Variants in GRIA4 observed in about 807,000 individuals in gnomAD.
GRIA4 encodes the protein glutamate receptor 4.
In GRIA4, 34 loss-of-function variants were observed where a neutral mutation model predicts 104.0. That is an observed-to-expected ratio of 0.33 (90% confidence interval 0.25 to 0.44). GRIA4 has a LOEUF of 0.44. Ranked by LOEUF, GRIA4 falls within the 20% of genes least tolerant of loss-of-function variation. The pLI is 1.00. For synonymous variants in GRIA4, 386 were observed against 381.9 expected, an observed-to-expected ratio of 1.01 and a Z score of -0.13; for missense variants, 750 against 1,096.5, an observed-to-expected ratio of 0.68 and a Z score of 4.46.
chr11:105,860,699 G>A (rs540522249), intron 4 of GRIA4, among the ~76,000 whole-genome samples: 3 of 152,104 alleles, frequency 2.0e-5, no homozygotes, highest in Non-Finnish European at 2.9e-5. Flanking sequence ...TGTGACTCAC[G>A]CCTATAATCC....
intron 4 of GRIA4, among the ~76,000 whole-genome samples, chr11:105,860,998 G>T (rs1279080822): frequency 6.6e-6 from 1 of 150,752 alleles, no homozygotes; most frequent in East Asian, 1.9e-4. Context: ...AAAAAGGCAG[G>T]ACAATCAAGA....
intron 9 of GRIA4, among the ~76,000 whole-genome samples, chr11:105,907,768 C>A (rs1485617729): frequency 6.6e-6 from 1 of 152,176 alleles, no homozygotes; most frequent in East Asian, 1.9e-4. Flanking sequence ...TTTTTATATT[C>A]AATCCTCATG....
At chr11:105,888,430 C>T (rs1040732722) in intron 6 of GRIA4, among the ~76,000 whole-genome samples, 4 of 150,882 alleles carry the variant, frequency 2.7e-5, no homozygotes, top group Non-Finnish European at 5.9e-5. Flanking sequence ...ACTACAGGTG[C>T]CCGCCACTAC....
At chr11:105,899,846 A>G (rs990680888) in intron 7 of GRIA4, among the ~76,000 whole-genome samples, 2 of 152,180 alleles carry the variant, frequency 1.3e-5, no homozygotes, top group Non-Finnish European at 2.9e-5. Context: ...TTCATGCCCG[A>G]ATGAAGCTTA....
intron 3 of GRIA4, among the ~76,000 whole-genome samples, chr11:105,619,600 A>G (rs186534340): frequency 6.6e-6 from 1 of 152,058 alleles, no homozygotes; most frequent in East Asian, 1.9e-4. Context: ...AAATTTATCT[A>G]AGATCTTTGG....
chr11:105,887,542 T>C lies in GRIA4; in HGVS notation c.696T>C (p.Val232=), dbSNP rs780309797. ...LEQIVSVGKH[V]KGYHYIIANL... ...AGATTGTAAGTGTTGGAAAGCATGTTAAAGGCTACCATTATATCATTGCAA... is the reference window on the plus strand; with the variant it reads ...AGATTGTAAGTGTTGGAAAGCATGTCAAAGGCTACCATTATATCATTGCAA... The change falls in exon 6 of 17, where the codon GTT becomes GTC. Residue 232 remains valine, a synonymous_variant. Coordinates refer to ENST00000282499, the MANE Select transcript of GRIA4 (RefSeq NM_000829.4). 2.6e-5 allele frequency: 38 copies of C among 1,463,562 alleles called. No homozygotes were observed. Among genetic ancestry groups the C allele is most frequent in the Admixed American group, 3.5e-5 (2 of 56,562 alleles). The allele number at this position is 1,463,562 out of a possible 1,614,324, so 90.7% of individuals were successfully genotyped here. A position where few individuals can be genotyped will look rare whatever the true frequency, so the allele number is the denominator to read the frequency against.
chr11:105,868,299 T>G (rs1409138117), intron 5 of GRIA4, among the ~76,000 whole-genome samples: 1 of 152,134 alleles, frequency 6.6e-6, no homozygotes, highest in African/African-American at 2.4e-5. Context: ...AAGATTGGTT[T>G]GAAGCAAAAG....
chr11:105,660,310 A>G (rs1255955552), intron 3 of GRIA4, among the ~76,000 whole-genome samples: 1 of 151,750 alleles, frequency 6.6e-6, no homozygotes, highest in Non-Finnish European at 1.5e-5. Flanking sequence ...CTAGTTATCT[A>G]CAAAGAATGA....
rs1445974688 is a variant in GRIA4 at position 105,688,138 on chromosome 11, CTA to C, written c.248-64839_248-64838del. Among the ~76,000 whole-genome samples the C allele has an allele frequency of 1.2e-3, 94 of 77,888 alleles. 1 individual carries two copies. Among genetic ancestry groups the C allele is most frequent in the African/African-American group, 3.5e-3 (86 of 24,590 alleles). The allele number at this position is 77,888 out of a possible 152,430, so 51.1% of individuals were successfully genotyped here. A position where few individuals can be genotyped will look rare whatever the true frequency, so the allele number is the denominator to read the frequency against. ...TCTATATCTATATCTATATCTATAT[CTA>C]TATCTATATCTATATCTCTATCTAT... On this transcript the variant is annotated intron_variant, in intron 3 of 16. Coordinates refer to ENST00000282499, the MANE Select transcript of GRIA4 (RefSeq NM_000829.4).
chr11:105,765,192 G>A (rs1005595059), intron 4 of GRIA4, among the ~76,000 whole-genome samples: 17 of 152,286 alleles, frequency 1.1e-4, no homozygotes, highest in African/African-American at 3.6e-4. Flanking sequence ...CCATTATGCA[G>A]CTAAACTCAG....
chr11:105,727,616 C>A (rs1021713476), intron 3 of GRIA4, among the ~76,000 whole-genome samples: 4 of 152,130 alleles, frequency 2.6e-5, no homozygotes, highest in Non-Finnish European at 4.4e-5. Context: ...ATGTTAAGGG[C>A]AGCCAGAGAG....
chr11:105,978,598 AAC>A (rs1196444630), intron 16 of GRIA4, among the ~76,000 whole-genome samples: 7 of 152,142 alleles, frequency 4.6e-5, no homozygotes, highest in Middle Eastern at 3.2e-3. Flanking sequence ...GGGCAGAATA[AAC>A]ACAGGGATGG....
At position 105,688,146 on chromosome 11, in the gene GRIA4, ATATCTATATC is replaced by A. The variant is rs1425950163; in HGVS notation, c.248-64833_248-64824del. 9.8e-3 allele frequency among the ~76,000 whole-genome samples: 320 copies of A among 32,554 alleles called. 1 individual carries two copies. The highest frequency in any genetic ancestry group is 0.026 in the East Asian group (29 of 1,104). The allele number at this position is 32,554 out of a possible 152,430, so 21.4% of individuals were successfully genotyped here. A position where few individuals can be genotyped will look rare whatever the true frequency, so the allele number is the denominator to read the frequency against. ...TATATCTATATCTATATCTATATCT[ATATCTATATC>A]TCTATCTATCTATCTATCTATCTAT... On this transcript the variant is annotated intron_variant, in intron 3 of 16. Coordinates refer to ENST00000282499, the MANE Select transcript of GRIA4 (RefSeq NM_000829.4).
intron 4 of GRIA4, among the ~76,000 whole-genome samples, chr11:105,760,276 G>A (rs948198815): frequency 3.9e-5 from 6 of 151,954 alleles, no homozygotes; most frequent in African/African-American, 1.5e-4. Flanking sequence ...CATTAATCCT[G>A]CCAAATGTGT....
At chr11:105,820,681 T>C (rs1943544806) in intron 4 of GRIA4, among the ~76,000 whole-genome samples, 1 of 152,116 alleles carries the variant, frequency 6.6e-6, no homozygotes, top group African/African-American at 2.4e-5. Context: ...AATTATTTAT[T>C]ATTCCATTTA....
At chr11:105,836,367 G>T (rs1392863092) in intron 4 of GRIA4, among the ~76,000 whole-genome samples, 1 of 152,084 alleles carries the variant, frequency 6.6e-6, no homozygotes, top group Non-Finnish European at 1.5e-5. Context: ...CTTTCATTTT[G>T]AGGTGGCTTA....
intron 4 of GRIA4, among the ~76,000 whole-genome samples, chr11:105,839,580 C>T (rs1944318002): frequency 6.6e-6 from 1 of 151,576 alleles, no homozygotes; most frequent in African/African-American, 2.4e-5. Flanking sequence ...TAAGCACAAC[C>T]AATAATTTCT....
At chr11:105,645,215 A>G (rs764841120) in intron 3 of GRIA4, among the ~76,000 whole-genome samples, 3 of 152,264 alleles carry the variant, frequency 2.0e-5, no homozygotes, top group Non-Finnish European at 4.4e-5. Flanking sequence ...GACACTTTAC[A>G]TAAGTCCCAT....
intron 4 of GRIA4, among the ~76,000 whole-genome samples, chr11:105,849,748 C>T (rs1231770076): frequency 6.6e-6 from 1 of 152,166 alleles, no homozygotes; most frequent in Non-Finnish European, 1.5e-5. Flanking sequence ...CCTTTTCTTT[C>T]TGCAAGCTTA....
Sources: allele counts gnomAD v4.1 joint callset (sites outside exome capture counted in the v4.1 genomes callset), GRCh38; gene constraint gnomAD v4.1.1; transcripts MANE v1.5; gene names NCBI Gene and HGNC (gene_info 2026-07-23, HGNC 2026-07-21).